Variants in LASP1 observed in about 807,000 individuals in gnomAD.
LASP1 encodes LIM and SH3 domain protein 1.
LASP1 carries 10 observed loss-of-function variants against 38.6 expected under a neutral mutation model. The ratio of observed to expected loss-of-function variants is 0.26; its 90% confidence interval spans 0.16 to 0.44. The LOEUF (loss-of-function observed/expected upper bound fraction) is 0.44, where lower values mean the gene tolerates loss of function less well. Ranked by LOEUF, LASP1 falls within the 20% of genes least tolerant of loss-of-function variation. The probability of loss-of-function intolerance (pLI) is 1.00; values close to 1 mark genes in which losing one functional copy is unlikely to be tolerated. For synonymous variants in LASP1, 132 were observed against 140.8 expected (o/e 0.94, Z 0.44); for missense variants, 243 against 375.7 (o/e 0.65, Z 2.92).
intron 4 of LASP1, among the ~76,000 whole-genome samples, chr17:38,901,846 ACCTCCG>A (rs1422585815): frequency 6.6e-6 from 1 of 151,052 alleles, no homozygotes; most frequent in East Asian, 2.0e-4. Flanking sequence ...GCTCACTGCA[ACCTCCG>A]CCTCCCGGGT....
chr17:38,900,865 T>C (rs906325741), intron 4 of LASP1, among the ~76,000 whole-genome samples: 1 of 152,170 alleles, frequency 6.6e-6, no homozygotes, highest in Admixed American at 6.5e-5. Context: ...GTTGACTCTT[T>C]ATATGCTAGG....
At chr17:38,916,634 G>A (rs1598124022) in intron 6 of LASP1, 1 of 151,678 alleles carries the variant, frequency 6.6e-6, no homozygotes, top group South Asian at 2.1e-4. Flanking sequence ...GGCCAAAGTG[G>A]GCAGATCACC....
At chr17:38,915,431 T>C (rs2143830330) in intron 6 of LASP1, 1 of 317,060 alleles carries the variant, frequency 3.2e-6, no homozygotes, top group South Asian at 4.2e-5. Context: ...AAGGCAACTT[T>C]CTGCATGGGG....
intron 1 of LASP1, chr17:38,873,897 G>C (rs191729157): frequency 5.2e-5 from 8 of 152,572 alleles, no homozygotes; most frequent in African/African-American, 1.9e-4. Context: ...AAGGTGCCAG[G>C]CTGCAGGCAC....
chr17:38,897,534 C>T lies in LASP1; in HGVS notation c.250-878C>T, dbSNP rs1914522224. ...GTTTTCTCAGCCTCATTCTGTTCTT[C>T]AAAACCCTCAGGGGAGGACAAGCTG... On this transcript the variant is annotated intron_variant, in intron 3 of 6. Transcript: ENST00000318008. Among the ~76,000 whole-genome samples the T allele has an allele frequency of 3.3e-5, 5 of 152,338 alleles. No homozygotes were observed. The South Asian group carries it at 1.0e-3, about 32-fold the overall frequency.
At chr17:38,901,329 C>T (rs1295635161) in intron 4 of LASP1, among the ~76,000 whole-genome samples, 2 of 152,210 alleles carry the variant, frequency 1.3e-5, no homozygotes, top group Non-Finnish European at 2.9e-5. Flanking sequence ...AGGAGATAAC[C>T]ATCTTTTACC....
At chr17:38,871,459 C>T (rs1913607833) in intron 1 of LASP1, among the ~76,000 whole-genome samples, 6 of 152,010 alleles carry the variant, frequency 3.9e-5, no homozygotes, top group Admixed American at 6.6e-5. Flanking sequence ...CTGTCCTTTC[C>T]ATCTGAACTG....
At position 38,897,106 on chromosome 17, in the gene LASP1, C is replaced by T. The variant is rs1284720211; in HGVS notation, c.250-1306C>T. ...GGACTCTTGGGGTGGGTTGGTGCCT[C>T]TATCCACTGCATTCACTTCTGAACT... On this transcript the variant is annotated intron_variant, in intron 3 of 6. Transcript: ENST00000318008. 3.1e-6 allele frequency: 3 copies of T among 982,016 alleles called. No homozygotes were observed. In the African/African-American group the frequency reaches 5.2e-5, roughly 17 times the overall value. The allele number at this position is 982,016 out of a possible 1,614,324, so 60.8% of individuals were successfully genotyped here.
At chr17:38,881,581 A>G (rs185375985) in intron 2 of LASP1, among the ~76,000 whole-genome samples, 1 of 152,230 alleles carries the variant, frequency 6.6e-6, no homozygotes, top group East Asian at 1.9e-4. Flanking sequence ...TCCTGGGTTT[A>G]CCAGGGTACA....
intron 4 of LASP1, among the ~76,000 whole-genome samples, chr17:38,906,849 C>CCCCTGAACCCA (rs1914788944): frequency 6.6e-6 from 1 of 152,124 alleles, no homozygotes; most frequent in African/African-American, 2.4e-5. Flanking sequence ...TAGGCCTGGA[C>CCCCTGAACCCA]CCCTGAACCC....
At chr17:38,914,973 T>TCTC (rs1352680528) in intron 5 of LASP1, 70 bp from the exon 6 acceptor site, 3 of 1,459,908 alleles carry the variant, frequency 2.1e-6, no homozygotes. Context: ...GGTATGGACT[T>TCTC]CTCGGGAGCT....
At position 38,918,876 on chromosome 17, in the gene LASP1, C is replaced by T; in HGVS notation, c.*98C>T. On this transcript the variant is annotated 3_prime_UTR_variant, in exon 7 of 7. Transcript: ENST00000318008. The surrounding 1 kb of genome is among the most constrained non-coding windows in gnomAD (Gnocchi z 4.4). ...CTTCAGTGTCTCTGTTTTTTAAAAC[C>T]TGCGACAGCTTGTGATTCCTACCCC... 1 of 1,349,920 alleles carries T rather than the reference C, an allele frequency of 7.4e-7. No individual in the cohort carries two copies. The highest frequency in any genetic ancestry group is 1.3e-5 in the South Asian group (1 of 76,906). The allele number at this position is 1,349,920 out of a possible 1,614,324, so 83.6% of individuals were successfully genotyped here. A position where few individuals can be genotyped will look rare whatever the true frequency, so the allele number is the denominator to read the frequency against.
In LASP1 at chr17:38,878,757, C is replaced by T. The variant is rs146816467; in HGVS notation, c.164+577C>T. On this transcript the variant is annotated intron_variant, in intron 2 of 6. Transcript: ENST00000318008. ...TTGGTGTTCATTTTTTGAGAATGGG[C>T]AGGGGTGCATAAAGGGTGTTGCCTG... Among the ~76,000 whole-genome samples, 344 of 152,256 alleles carry T rather than the reference C, an allele frequency of 2.3e-3. 1 individual carries two copies. The highest frequency in any genetic ancestry group is 7.8e-3 in the African/African-American group (323 of 41,542).
At chr17:38,903,504 C>T (rs1282255401) in intron 4 of LASP1, among the ~76,000 whole-genome samples, 1 of 152,110 alleles carries the variant, frequency 6.6e-6, no homozygotes, top group Non-Finnish European at 1.5e-5. Flanking sequence ...GTACTACAGG[C>T]ATATAGCACC....
intron 6 of LASP1, chr17:38,916,728 G>A (rs894638667): frequency 6.7e-6 from 1 of 150,014 alleles, no homozygotes; most frequent in Non-Finnish European, 1.5e-5. Flanking sequence ...CGGCATGGTG[G>A]TGCATGTTCA....
At chr17:38,898,898 G>C (rs977395886) in intron 4 of LASP1, 1 of 381,864 alleles carries the variant, frequency 2.6e-6, no homozygotes, top group East Asian at 7.1e-5. Flanking sequence ...CCTGGTCTGC[G>C]CCTGGGTGCT....
intron 3 of LASP1, among the ~76,000 whole-genome samples, chr17:38,894,628 T>G (rs560216311): frequency 2.6e-5 from 4 of 152,188 alleles, no homozygotes; most frequent in Non-Finnish European, 5.9e-5. Flanking sequence ...GAAATGGAAC[T>G]TGGACATGAA....
chr17:38,870,473 C>T (rs1266659981), intron 1 of LASP1, among the ~76,000 whole-genome samples: 1 of 152,172 alleles, frequency 6.6e-6, no homozygotes, highest in Non-Finnish European at 1.5e-5. Flanking sequence ...AGCGGGCAGC[C>T]GCTGCTGGAG....
At chr17:38,897,361 C>A (rs1470785661) in intron 3 of LASP1, among the ~76,000 whole-genome samples, 1 of 152,206 alleles carries the variant, frequency 6.6e-6, no homozygotes, top group Non-Finnish European at 1.5e-5. Flanking sequence ...CAGGGAACTG[C>A]CTGGGTTTGT....
Sources: gnomAD v4.1 joint callset for allele counts (sites outside exome capture counted in the v4.1 genomes callset) on GRCh38, gnomAD v4.1.1 for gene constraint, Gnocchi (gnomAD v3.1) non-coding constraint, MANE v1.5 for transcripts, NCBI Gene and HGNC (gene_info 2026-07-23, HGNC 2026-07-21) for gene names.